TRPC4AP: variants seen among roughly 807,000 people sequenced by gnomAD.
TRPC4AP encodes short transient receptor potential channel 4-associated protein.
Under a neutral mutation model 99.0 loss-of-function variants are expected in TRPC4AP, and 45 were observed. The observed-to-expected ratio is 0.45, with a 90% confidence interval of 0.36 to 0.58. TRPC4AP has a LOEUF of 0.58. Among genes scored for constraint, TRPC4AP ranks in the 20% least tolerant of loss-of-function variants. The pLI, the probability that TRPC4AP is intolerant of heterozygous loss-of-function variation, is 0.00. For missense variants in TRPC4AP, 879 were observed against 985.3 expected, an observed-to-expected ratio of 0.89 and a Z score of 1.44; for synonymous variants, 408 against 385.8, an observed-to-expected ratio of 1.06 and a Z score of -0.67.
chr20:35,083,591 CAG>C lies in TRPC4AP; in HGVS notation c.169-5419_169-5418del, dbSNP rs1384769725. On this transcript the variant is annotated intron_variant, in intron 1 of 18. Coordinates refer to ENST00000252015, the MANE Select transcript of TRPC4AP (RefSeq NM_015638.3). The stretch of plus-strand genomic sequence containing the variant: ...TGCCACTGCACTACAATCTGGGAGA[CAG>C]AGCGAGACTCCATCTCAAAAAAAAA... Among the ~76,000 whole-genome samples, 19 of 146,502 alleles carry C rather than the reference CAG, an allele frequency of 1.3e-4. No individual in the cohort carries two copies. The East Asian group carries it at 3.6e-3, about 28-fold the overall frequency.
chr20:35,016,600 A>G (rs1288940296), intron 9 of TRPC4AP, among the ~76,000 whole-genome samples: 1 of 152,202 alleles, frequency 6.6e-6, no homozygotes, highest in Non-Finnish European at 1.5e-5. Context: ...AATTATTAAA[A>G]AACTCTAAGA....
At chr20:35,049,763 T>A (rs1322569871) in intron 6 of TRPC4AP, 103 bp downstream of exon 6, 1 of 1,343,864 alleles carries the variant, frequency 7.4e-7, no homozygotes, top group Non-Finnish European at 1.0e-6. Flanking sequence ...CAAGACATAA[T>A]TTAACACTTT....
intron 10 of TRPC4AP, among the ~76,000 whole-genome samples, chr20:35,013,461 C>T (rs910989331): frequency 2.6e-5 from 4 of 152,178 alleles, no homozygotes; most frequent in African/African-American, 9.7e-5. Context: ...GCCTGTAATT[C>T]TGGCTACTCA....
At chr20:35,050,712 C>A (rs1240882530) in intron 5 of TRPC4AP, among the ~76,000 whole-genome samples, 35 of 139,496 alleles carry the variant, frequency 2.5e-4, no homozygotes, top group East Asian at 1.0e-3. Flanking sequence ...GACCCTAACT[C>A]AAAAAAAAAA....
rs371661486 is a variant in TRPC4AP at position 35,054,924 on chromosome 20, T to C, written c.528+52A>G. Reference sequence around the variant, plus strand: ...TACTCGAATATTCCCATCTTAAACATTGCAGACCTGGTAGGGGAGATAAAC... The same window carrying C: ...TACTCGAATATTCCCATCTTAAACACTGCAGACCTGGTAGGGGAGATAAAC... On this transcript the variant is annotated intron_variant, in intron 5 of 18. Coordinates refer to ENST00000252015, the MANE Select transcript of TRPC4AP (RefSeq NM_015638.3). 43 of 1,472,576 alleles carry C rather than the reference T, an allele frequency of 2.9e-5. 1 individual carries two copies. The highest frequency in any genetic ancestry group is 1.7e-4 in the Middle Eastern group (1 of 5,772). The allele number at this position is 1,472,576 out of a possible 1,614,324, so 91.2% of individuals were successfully genotyped here.
chr20:35,051,850 C>T (rs908621377), intron 5 of TRPC4AP, among the ~76,000 whole-genome samples: 2 of 152,134 alleles, frequency 1.3e-5, no homozygotes, highest in Non-Finnish European at 2.9e-5. Context: ...GACTACCCAC[C>T]TTTCTCCTCT....
chr20:35,005,328 A>C (rs17092210), intron 16 of TRPC4AP, among the ~76,000 whole-genome samples: 7,019 of 152,268 alleles, frequency 0.046, 551 homozygotes, highest in African/African-American at 0.16. Context: ...GCGCATACAC[A>C]TGGAAGTGCG....
At chr20:35,004,757 T>C (rs1477618399) in intron 16 of TRPC4AP, among the ~76,000 whole-genome samples, 187 bp from the exon 17 acceptor site, 1 of 152,182 alleles carries the variant, frequency 6.6e-6, no homozygotes, top group African/African-American at 2.4e-5. Flanking sequence ...GGCAAAGCCA[T>C]GTTCTCAGAG....
chr20:35,008,584 A>T, intron 13 of TRPC4AP, 80 bp downstream of exon 13: 1 of 1,217,892 alleles, frequency 8.2e-7, no homozygotes. Context: ...CTGGTGACTA[A>T]AGGAGGTATT....
chr20:35,062,783 T>C (rs1265275601), intron 3 of TRPC4AP, among the ~76,000 whole-genome samples: 2 of 152,226 alleles, frequency 1.3e-5, no homozygotes, highest in African/African-American at 4.8e-5. Context: ...CAGTGGTATA[T>C]AACTCTGACT....
intron 1 of TRPC4AP, among the ~76,000 whole-genome samples, chr20:35,088,217 C>T (rs1045378741): frequency 2.0e-5 from 3 of 152,216 alleles, no homozygotes; most frequent in Non-Finnish European, 2.9e-5. Flanking sequence ...GTCCTCACCA[C>T]AACCTTGGAA....
At chr20:35,007,330 T>C (rs1038435390) in intron 14 of TRPC4AP, among the ~76,000 whole-genome samples, 6 of 152,358 alleles carry the variant, frequency 3.9e-5, no homozygotes, top group Non-Finnish European at 8.8e-5. Context: ...GTCACCCTCC[T>C]GCATGGCCTG....
At chr20:35,058,177 C>T (rs1161199633) in intron 3 of TRPC4AP, among the ~76,000 whole-genome samples, 1 of 152,114 alleles carries the variant, frequency 6.6e-6, no homozygotes, top group East Asian at 1.9e-4. Context: ...GAAACAAAAG[C>T]TGGCAGAAAT....
chr20:35,057,687 G>T (rs540418291), intron 3 of TRPC4AP, 116 bp from the exon 4 acceptor site: 3 of 781,600 alleles, frequency 3.8e-6, no homozygotes, highest in South Asian at 2.1e-5. Flanking sequence ...AGACCCTTTT[G>T]TTCCAGGAGG....
chr20:35,024,854 A>ACAAAAAAAAACAT (rs1555904987), intron 8 of TRPC4AP, among the ~76,000 whole-genome samples: 2 of 89,480 alleles, frequency 2.2e-5, no homozygotes, highest in Admixed American at 1.5e-4. Context: ...AAAAAAAAAA[A>ACAAAAAAAAACAT]ATTCTGTTTA....
At chr20:35,080,534 TAAA>T (rs71196786) in intron 1 of TRPC4AP, among the ~76,000 whole-genome samples, 2 of 82,064 alleles carry the variant, frequency 2.4e-5, no homozygotes, top group African/African-American at 5.1e-5. Flanking sequence ...AGACTCCATC[TAAA>T]AAAAAAAAAA....
At chr20:35,049,415 G>C (rs1393142068) in intron 6 of TRPC4AP, among the ~76,000 whole-genome samples, 1 of 152,112 alleles carries the variant, frequency 6.6e-6, no homozygotes, top group Non-Finnish European at 1.5e-5. Context: ...GACTTCATAA[G>C]TGAAAGCCAA....
chr20:35,044,405 A>AG (rs1322321889), intron 7 of TRPC4AP, 100 bp downstream of exon 7: 4 of 1,265,354 alleles, frequency 3.2e-6, no homozygotes, highest in Admixed American at 2.6e-5. Flanking sequence ...AAAAGGAAAA[A>AG]AAAAAAAAAA....
intron 8 of TRPC4AP, among the ~76,000 whole-genome samples, chr20:35,033,495 C>T: frequency 6.6e-6 from 1 of 152,208 alleles, no homozygotes. Flanking sequence ...TTAGGCTCTA[C>T]TAACTGCTGA....
Sources: gnomAD v4.1 joint callset for allele counts (sites outside exome capture counted in the v4.1 genomes callset) on GRCh38, gnomAD v4.1.1 for gene constraint, MANE v1.5 for transcripts, NCBI Gene and HGNC (gene_info 2026-07-23, HGNC 2026-07-21) for gene names.